Variants in CCDC149 observed in about 807,000 individuals in gnomAD.
CCDC149 encodes coiled-coil domain containing 149, also known as coiled-coil domain-containing protein 149.
Under a neutral mutation model 59.9 loss-of-function variants are expected in CCDC149, and 45 were observed. The observed-to-expected ratio is 0.75, with a 90% CI of 0.59 to 0.96. The LOEUF is 0.96. Among genes scored for constraint, CCDC149 ranks in the 40% least tolerant of loss-of-function variants. The pLI is 0.00. For synonymous variants in CCDC149, 245 were observed against 260.6 expected (o/e 0.94, Z 0.58); for missense variants, 584 against 664.7 (o/e 0.88, Z 1.33).
At chr4:24,913,972 T>G (rs1722041590), upstream of CCDC149, among the ~76,000 whole-genome samples, 1 of 152,224 alleles carries the variant, frequency 6.6e-6, no homozygotes, top group South Asian at 2.1e-4. Context: ...CCCTCTGTAC[T>G]CGCAGAAACG....
chr4:24,828,617 A>C (rs1168765338), intron 9 of CCDC149: 1 of 151,926 alleles, frequency 6.6e-6, no homozygotes, highest in African/African-American at 2.4e-5. Context: ...ATCTCTACTA[A>C]AAAAATACAA....
intron 8 of CCDC149, among the ~76,000 whole-genome samples, chr4:24,832,527 A>C (rs936481508): frequency 3.9e-5 from 6 of 152,194 alleles, no homozygotes; most frequent in Non-Finnish European, 7.3e-5. Context: ...GACCCATATG[A>C]GAGAGACCTG....
At chr4:24,902,438 C>T (rs1262939725) in intron 1 of CCDC149, among the ~76,000 whole-genome samples, 1 of 152,214 alleles carries the variant, frequency 6.6e-6, no homozygotes, top group African/African-American at 2.4e-5. Context: ...AGTCATTCAC[C>T]ATCTGGTCCT....
intron 12 of CCDC149, among the ~76,000 whole-genome samples, chr4:24,809,796 C>T (rs990674888): frequency 6.6e-6 from 1 of 152,178 alleles, no homozygotes; most frequent in African/African-American, 2.4e-5. Flanking sequence ...GGAACCACAG[C>T]AGAACCCTGC....
At chr4:24,839,935 C>T (rs894791489) in intron 4 of CCDC149, among the ~76,000 whole-genome samples, 2 of 152,080 alleles carry the variant, frequency 1.3e-5, no homozygotes, top group Non-Finnish European at 2.9e-5. Context: ...CAGGAGTGCC[C>T]GTGGGGGACA....
intron 1 of CCDC149, among the ~76,000 whole-genome samples, chr4:24,901,058 A>G (rs557396005): frequency 1.3e-5 from 2 of 152,348 alleles, no homozygotes; most frequent in South Asian, 2.1e-4. Flanking sequence ...AGGTGGTTTA[A>G]TTGGCTAGCT....
intron 1 of CCDC149, among the ~76,000 whole-genome samples, chr4:24,943,037 G>GA (rs1307982330): frequency 6.6e-6 from 1 of 151,248 alleles, no homozygotes; most frequent in African/African-American, 2.4e-5. Flanking sequence ...CACAGAATTG[G>GA]AAAAAACTAC....
intron 1 of CCDC149, among the ~76,000 whole-genome samples, chr4:24,928,806 T>C (rs1722502172): frequency 6.6e-6 from 1 of 152,114 alleles, no homozygotes; most frequent in South Asian, 2.1e-4. Context: ...CACTCCCTAA[T>C]GTGTCCAAAA....
At chr4:24,917,840 A>G (rs1293935205), upstream of CCDC149, among the ~76,000 whole-genome samples, 1 of 152,170 alleles carries the variant, frequency 6.6e-6, no homozygotes, top group African/African-American at 2.4e-5. Flanking sequence ...ATGATTCAGC[A>G]CAAATTTGAT....
chr4:24,888,555 TC>T (rs1431390534), intron 1 of CCDC149, among the ~76,000 whole-genome samples: 3 of 152,216 alleles, frequency 2.0e-5, no homozygotes, highest in Non-Finnish European at 4.4e-5. Flanking sequence ...TCCTGCAGAT[TC>T]ACCAACCCTA....
chr4:24,882,044 C>G (rs991746582), intron 1 of CCDC149, among the ~76,000 whole-genome samples: 1 of 152,068 alleles, frequency 6.6e-6, no homozygotes, highest in African/African-American at 2.4e-5. Flanking sequence ...AGTTGGTATT[C>G]CTAGTACAAG....
At chr4:24,858,019 A>G (rs1235308059) in intron 3 of CCDC149, among the ~76,000 whole-genome samples, 1 of 152,174 alleles carries the variant, frequency 6.6e-6, no homozygotes, top group Non-Finnish European at 1.5e-5. Context: ...CATACACCTT[A>G]AAGAACAGCA....
intron 1 of CCDC149, among the ~76,000 whole-genome samples, chr4:24,965,279 A>AT (rs1223695660): frequency 2.7e-5 from 4 of 150,492 alleles, no homozygotes; most frequent in Admixed American, 6.6e-5. Flanking sequence ...ACATAGCACA[A>AT]TTTTTTTTTA....
At chr4:24,980,034 C>T (rs1355888341) in intron 1 of CCDC149, 1 of 152,166 alleles carries the variant, frequency 6.6e-6, no homozygotes, top group Non-Finnish European at 1.5e-5. Flanking sequence ...CCATAAATAA[C>T]GAGGCAGTTA....
intron 1 of CCDC149, among the ~76,000 whole-genome samples, chr4:24,959,545 G>A (rs897717525): frequency 6.6e-5 from 10 of 152,054 alleles, no homozygotes; most frequent in African/African-American, 2.2e-4. Context: ...TAAACCTGCA[G>A]ACCCAAAAAG....
chr4:24,848,618 A>G (rs574604856), intron 4 of CCDC149, among the ~76,000 whole-genome samples: 47 of 152,166 alleles, frequency 3.1e-4, no homozygotes, highest in African/African-American at 1.1e-3. Context: ...GACCCCAAAC[A>G]CAAGAGCAGT....
Position 24,837,353 on chromosome 4 carries a change from C to T in CCDC149, c.537G>A (p.Gln179=). 1 of 1,614,176 alleles carries T rather than the reference C, an allele frequency of 6.2e-7. No homozygotes were observed. Among genetic ancestry groups the T allele is most frequent in the South Asian group, 1.1e-5 (1 of 91,086 alleles). The change falls in exon 6 of 13, where the codon CAG becomes CAA. Residue 179 remains glutamine (Q), a synonymous_variant. Coordinates refer to ENST00000635206, the MANE Select transcript of CCDC149 (RefSeq NM_001330643.2). The surrounding 1 kb of genome is among the most constrained non-coding windows in gnomAD (Gnocchi z 4.3). ...AGGAAGACCGTTCTTCTTTAACATC[C>T]TGAAGCTCGTCCACAGAAGCCTGCA...
At chr4:24,815,502 G>A (rs1158774357) in intron 12 of CCDC149, among the ~76,000 whole-genome samples, 2 of 152,156 alleles carry the variant, frequency 1.3e-5, no homozygotes, top group East Asian at 1.9e-4. Context: ...AACGTGAGAC[G>A]AGTACACTCC....
chr4:24,805,426 T>C (rs761677020), downstream of CCDC149, among the ~76,000 whole-genome samples: 3 of 152,080 alleles, frequency 2.0e-5, no homozygotes, highest in Non-Finnish European at 4.4e-5. Flanking sequence ...ATCGGAAACA[T>C]GATTTTCTGG....
Sources: allele counts gnomAD v4.1 joint callset (sites outside exome capture counted in the v4.1 genomes callset), GRCh38; gene constraint gnomAD v4.1.1; non-coding constraint Gnocchi (gnomAD v3.1); transcripts MANE v1.5; gene names NCBI Gene and HGNC (gene_info 2026-07-23, HGNC 2026-07-21).